Variants in GPR137 observed in about 807,000 individuals in gnomAD.
The protein encoded by GPR137 is G protein-coupled receptor 137.
A neutral mutation model predicts 38.9 loss-of-function variants in GPR137; 20 were observed. The observed-to-expected ratio is 0.51, with a 90% confidence interval of 0.36 to 0.75. The LOEUF (loss-of-function observed/expected upper bound fraction) is 0.75. GPR137 is among the 30% of genes least tolerant of loss of function. GPR137 has a pLI of 0.00. For synonymous variants in GPR137, 226 were observed against 235.8 expected, an observed-to-expected ratio of 0.96 and a Z score of 0.38; for missense variants, 456 against 526.4, an observed-to-expected ratio of 0.87 and a Z score of 1.31.
rs966049904 is a variant in GPR137, at chr11:64,286,030, C to T, written c.-495C>T. On this transcript the variant is annotated 5_prime_UTR_variant, in exon 1 of 7. Transcript: ENST00000438980. Reference sequence around the variant, plus strand: ...ATTACGAGGACAGGAGGCAGAGGCCCTCCCCATCCGCATTATTGGAGGAGA... The same window carrying T: ...ATTACGAGGACAGGAGGCAGAGGCCTTCCCCATCCGCATTATTGGAGGAGA... The T allele has an allele frequency of 8.1e-6, 8 of 986,288 alleles. No homozygotes were observed. Among genetic ancestry groups the T allele is most frequent in the South Asian group, 4.7e-5 (1 of 21,422 alleles). 61.1% of individuals were successfully genotyped at this position (986,288 alleles called of 1,614,324 possible). A position where few individuals can be genotyped will look rare whatever the true frequency, so the allele number is the denominator to read the frequency against.
upstream of GPR137, chr11:64,271,999 G>C (rs1040569399): frequency 7.2e-6 from 3 of 416,256 alleles, no homozygotes; most frequent in East Asian, 3.6e-5. Context: ...TGAAGATTTA[G>C]GTTAACTTCT....
upstream of GPR137, chr11:64,285,638 C>T (rs2033889408): frequency 7.1e-6 from 7 of 985,060 alleles, no homozygotes; most frequent in Non-Finnish European, 7.2e-6. Flanking sequence ...GCACGGCCCA[C>T]CCGGGGACCC....
At position 64,288,036 on chromosome 11, in the gene GPR137, T is replaced by G; in HGVS notation, c.634-29T>G. On this transcript the variant is annotated intron_variant, in intron 3 of 6. Transcript: ENST00000438980. The surrounding 1 kb of genome is among the most constrained non-coding windows in gnomAD (Gnocchi z 5.5). ...GAGGAAGCTGGGAGCCTTCTCTCCC[T>G]GAGGGTCCTCTGTTGTTACCTGTGC... 6.2e-7 allele frequency: 1 copy of G among 1,606,904 alleles called. No homozygotes were observed. Among genetic ancestry groups the G allele is most frequent in the Non-Finnish European group, 8.5e-7 (1 of 1,179,910 alleles).
Position 64,289,105 on chromosome 11 carries a change from G to A in GPR137, c.1100G>A (p.Gly367Asp). The change falls in exon 7 of 7, where the codon GGC becomes GAC. Residue 367 changes from glycine (G) to aspartate (D), a missense_variant. Coordinates refer to ENST00000438980, the MANE Select transcript of GPR137 (RefSeq NM_001170880.2). ...AIGREPGWYG[G>D]SQTKTTPLLF... ...GGGCGTGAGCCGGGCTGGTATGGGG[G>A]CAGCCAGACGAAGACCACTCCTCTG... is the stretch of plus-strand genomic sequence containing the variant. The A allele has an allele frequency of 6.2e-7, 1 of 1,612,506 alleles. No individual in the cohort carries two copies. Among genetic ancestry groups the A allele is most frequent in the Non-Finnish European group, 8.5e-7 (1 of 1,179,694 alleles).
upstream of GPR137, chr11:64,271,744 C>G (rs1226391283): frequency 6.9e-7 from 1 of 1,447,234 alleles, no homozygotes; most frequent in South Asian, 1.5e-5. Flanking sequence ...ATCCCTTCGT[C>G]GTCCTCCGTC....
rs1249037588 is a variant in GPR137, at chr11:64,287,101, T to C, written c.407+87T>C. The C allele has an allele frequency of 3.3e-6, 5 of 1,533,820 alleles. No individual in the cohort carries two copies. The African/African-American group carries it at 5.5e-5, about 17-fold the overall frequency. ...TAGATCCCTTCCCACCTCTCAGGGC[T>C]GAGACAAAGGCAACCCAGGGAATGT... is the stretch of plus-strand genomic sequence containing the variant. On this transcript the variant is annotated intron_variant, in intron 2 of 6. Transcript: ENST00000438980.
upstream of GPR137, among the ~76,000 whole-genome samples, chr11:64,280,292 C>T (rs1170757554): frequency 7.1e-6 from 1 of 141,658 alleles, no homozygotes; most frequent in African/African-American, 2.6e-5. Flanking sequence ...TGCACTCCAG[C>T]CTGGGCGACA....
At chr11:64,287,522 G>T (rs1304729635) in intron 2 of GPR137, 199 bp from the exon 3 acceptor site, 1 of 694,320 alleles carries the variant, frequency 1.4e-6, no homozygotes, top group Non-Finnish European at 1.8e-6. Flanking sequence ...TCCAGTTGGT[G>T]CACCTTCCGA....
intron 2 of GPR137, among the ~76,000 whole-genome samples, chr11:64,277,595 G>T (rs1046168876): frequency 1.3e-5 from 2 of 152,038 alleles, no homozygotes; most frequent in Non-Finnish European, 2.9e-5. Context: ...CACCATGCCC[G>T]GCTAATTTTT....
At chr11:64,272,140 G>A (rs533001353), upstream of GPR137, among the ~76,000 whole-genome samples, 20 of 152,248 alleles carry the variant, frequency 1.3e-4, no homozygotes, top group African/African-American at 4.6e-4. Flanking sequence ...CCAACATGGT[G>A]AAACCCTGTC....
upstream of GPR137, among the ~76,000 whole-genome samples, chr11:64,273,042 A>G (rs2032757095): frequency 6.6e-6 from 1 of 152,098 alleles, no homozygotes; most frequent in African/African-American, 2.4e-5. Context: ...CCTAGGCAAC[A>G]TTGCAAAACC....
chr11:64,282,616 C>T (rs867538823), upstream of GPR137, among the ~76,000 whole-genome samples: 4 of 152,178 alleles, frequency 2.6e-5, no homozygotes, highest in Middle Eastern at 6.8e-3. Context: ...TGGTGGCTCA[C>T]GCCTGTAATC....
At chr11:64,271,640 C>T (rs1484041309), upstream of GPR137, 110 of 1,503,582 alleles carry the variant, frequency 7.3e-5, no homozygotes, top group Non-Finnish European at 9.0e-5. Context: ...ACTCGTCACT[C>T]ATCCTCCGGA....
chr11:64,289,016 G>T, intron 6 of GPR137, 21 bp from the exon 7 acceptor site: 2 of 1,516,526 alleles, frequency 1.3e-6, no homozygotes, highest in South Asian at 1.3e-5. Flanking sequence ...TCCTGAGACT[G>T]ACCCTGTTTC....
upstream of GPR137, chr11:64,275,686 G>T (rs1216540676): frequency 6.6e-6 from 1 of 152,140 alleles, no homozygotes; most frequent in Non-Finnish European, 1.5e-5. Flanking sequence ...AACGGCAGCT[G>T]TTCTCCTCCA....
chr11:64,285,415 C>T (rs2033844440), upstream of GPR137: 2 of 984,384 alleles, frequency 2.0e-6, no homozygotes, highest in Non-Finnish European at 2.4e-6. Context: ...GGGCGAGGGG[C>T]GGGCCCGCGC....
chr11:64,286,603 A>G lies in GPR137; in HGVS notation c.79A>G (p.Thr27Ala), dbSNP rs1277508923. Residue 27 changes from threonine to alanine, a missense_variant, in exon 1 of 7, where the codon ACA (threonine) becomes GCA (alanine). Physicochemically the swap from Thr to Ala is moderately conservative, Grantham distance 58. Transcript: ENST00000438980. Reference sequence around the variant, plus strand: ...GCCACCTGCTGTGACCCTGGGGCTGACAGCTGCCTACACCACCCTGTATGC... The same window carrying G: ...GCCACCTGCTGTGACCCTGGGGCTGGCAGCTGCCTACACCACCCTGTATGC... Reference protein sequence around the residue: ...ALPPAVTLGLTAAYTTLYALL... With the variant: ...ALPPAVTLGLAAAYTTLYALL... 4 of 1,613,690 alleles carry G rather than the reference A, an allele frequency of 2.5e-6. No homozygotes were observed. The Admixed American group carries it at 5.0e-5, about 20-fold the overall frequency.
upstream of GPR137, chr11:64,284,233 A>G (rs754397350): frequency 6.2e-7 from 1 of 1,608,150 alleles, no homozygotes; most frequent in Non-Finnish European, 8.5e-7. Flanking sequence ...CTGGCGTCCC[A>G]CAGGAGGCCT....
At chr11:64,271,643 C>A, upstream of GPR137, 2 of 1,503,988 alleles carry the variant, frequency 1.3e-6, no homozygotes, top group Non-Finnish European at 1.8e-6. Context: ...CGTCACTCAT[C>A]CTCCGGAGCT....
Sources: gnomAD v4.1 joint callset for allele counts (sites outside exome capture counted in the v4.1 genomes callset) on GRCh38, gnomAD v4.1.1 for gene constraint, Gnocchi (gnomAD v3.1) non-coding constraint, MANE v1.5 for transcripts, NCBI Gene and HGNC (gene_info 2026-07-23, HGNC 2026-07-21) for gene names.